MYO16: variants seen among roughly 807,000 people sequenced by gnomAD.
The protein encoded by MYO16 is myosin XVI, also known as unconventional myosin-XVI.
MYO16 carries 94 observed loss-of-function variants against 205.3 expected under a neutral mutation model. The observed-to-expected ratio is 0.46, with a 90% CI of 0.39 to 0.54. The LOEUF (loss-of-function observed/expected upper bound fraction) is 0.54, where lower values mean the gene tolerates loss of function less well. Ranked by LOEUF, MYO16 falls within the 20% of genes least tolerant of loss-of-function variation. The pLI is 0.00. For missense variants in MYO16, 2,315 were observed against 2,387.5 expected (o/e 0.97, Z 0.63); for synonymous variants, 988 against 954.0 (o/e 1.04, Z -0.66).
intron 1 of MYO16, among the ~76,000 whole-genome samples, chr13:108,608,000 A>T (rs1005751570): frequency 2.6e-5 from 4 of 152,220 alleles, no homozygotes; most frequent in Non-Finnish European, 4.4e-5. Flanking sequence ...CATTTTAAAA[A>T]TAGGCAGTGT....
Position 108,973,952 on chromosome 13 carries a change from A to G in MYO16, c.2369+9050A>G, listed in dbSNP as rs183557494. ...AATTCTGCTGGCTGGTTAAAAAAAA[A>G]AACTCCCAGTGGCATTTTGGATAAT... On this transcript the variant is annotated intron_variant, in intron 20 of 34. Transcript: ENST00000457511. Among the ~76,000 whole-genome samples, 8 of 152,290 alleles carry G rather than the reference A, an allele frequency of 5.3e-5. No individual in the cohort carries two copies. The East Asian group carries it at 1.5e-3, about 29-fold the overall frequency.
chr13:109,204,826 T>C (rs762305462), intron 34 of MYO16, among the ~76,000 whole-genome samples: 8 of 152,202 alleles, frequency 5.3e-5, no homozygotes, highest in Non-Finnish European at 1.2e-4. Context: ...GTACCCACTT[T>C]ACAGGGCTCT....
intron 4 of MYO16, among the ~76,000 whole-genome samples, chr13:108,771,947 G>A (rs182549431): frequency 7.5e-4 from 114 of 152,278 alleles, no homozygotes; most frequent in African/African-American, 2.2e-3. Context: ...AAATAAAGCT[G>A]ACACAGACAT....
chr13:108,774,197 T>A (rs1465167037), intron 4 of MYO16, among the ~76,000 whole-genome samples: 1 of 152,240 alleles, frequency 6.6e-6, no homozygotes, highest in Non-Finnish European at 1.5e-5. Flanking sequence ...TTCTTGGAGA[T>A]TAAATTGTTA....
At chr13:108,559,610 A>C in the MYO16 span, among the ~76,000 whole-genome samples, 1 of 149,850 alleles carries the variant, frequency 6.7e-6, no homozygotes, top group Non-Finnish European at 1.5e-5. Flanking sequence ...AGTAGCTGGG[A>C]CTACAGGCAC....
intron 4 of MYO16, among the ~76,000 whole-genome samples, chr13:108,754,967 G>C (rs1030808696): frequency 6.6e-6 from 1 of 151,104 alleles, no homozygotes; most frequent in Non-Finnish European, 1.5e-5. Flanking sequence ...TATAGAGAGA[G>C]AGACAGAGAG....
chr13:108,868,846 G>A (rs893529592), intron 12 of MYO16, among the ~76,000 whole-genome samples: 4 of 151,486 alleles, frequency 2.6e-5, no homozygotes, highest in Admixed American at 6.6e-5. Flanking sequence ...CTTGAACCCG[G>A]GTGGCAGAGG....
At chr13:108,539,477 T>C in the MYO16 span, among the ~76,000 whole-genome samples, 1 of 152,232 alleles carries the variant, frequency 6.6e-6, no homozygotes, top group East Asian at 1.9e-4. Context: ...TCATAGTTTG[T>C]CTAGGAAACC....
At chr13:108,933,721 A>G (rs1037695886) in intron 16 of MYO16, among the ~76,000 whole-genome samples, 1 of 152,000 alleles carries the variant, frequency 6.6e-6, no homozygotes, top group Non-Finnish European at 1.5e-5. Flanking sequence ...CATAGTACGC[A>G]ACAGTTATTT....
chr13:108,922,403 A>T (rs994526728), intron 16 of MYO16, among the ~76,000 whole-genome samples: 1 of 152,168 alleles, frequency 6.6e-6, no homozygotes, highest in Non-Finnish European at 1.5e-5. Context: ...AGAGATCTTT[A>T]AAAAGGCAGC....
intron 16 of MYO16, among the ~76,000 whole-genome samples, chr13:108,945,018 T>C (rs1184596100): frequency 1.3e-5 from 2 of 152,198 alleles, no homozygotes; most frequent in East Asian, 3.8e-4. Context: ...AAGCCCAGTA[T>C]GCGTGCTTGT....
Position 109,172,224 on chromosome 13 carries a change from C to T in MYO16, c.5323+7165C>T, listed in dbSNP as rs560644382. Among the ~76,000 whole-genome samples the T allele has an allele frequency of 2.0e-4, 31 of 152,140 alleles. 1 individual carries two copies. In the South Asian group the frequency reaches 5.8e-3, roughly 28 times the overall value. On this transcript the variant is annotated intron_variant, in intron 33 of 34. Coordinates refer to ENST00000457511, the MANE Select transcript of MYO16 (RefSeq NM_001198950.3). ...TGGAGATTGTACACCTTCTTTGGAA[C>T]GCATACCCTTGTCTGACTGAAAGCC...
At chr13:108,706,683 A>C (rs1354393676) in intron 2 of MYO16, among the ~76,000 whole-genome samples, 1 of 152,174 alleles carries the variant, frequency 6.6e-6, no homozygotes, top group African/African-American at 2.4e-5. Flanking sequence ...CTCACTAAAA[A>C]TTTGTTTCAT....
intron 20 of MYO16, among the ~76,000 whole-genome samples, chr13:108,968,062 A>G (rs1299475157): frequency 6.6e-6 from 1 of 152,218 alleles, no homozygotes; most frequent in Non-Finnish European, 1.5e-5. Flanking sequence ...ACTCATGATT[A>G]CAGTCTCCAG....
intron 16 of MYO16, among the ~76,000 whole-genome samples, chr13:108,930,013 C>T (rs1039783343): frequency 6.6e-6 from 1 of 152,188 alleles, no homozygotes; most frequent in African/African-American, 2.4e-5. Flanking sequence ...CTGAATGATG[C>T]ATGCACTATA....
At position 108,630,532 on chromosome 13, in the gene MYO16, T is replaced by C. The variant is rs559380788; in HGVS notation, c.28+660T>C. 5.3e-5 allele frequency among the ~76,000 whole-genome samples: 8 copies of C among 152,336 alleles called. No homozygotes were observed. In the South Asian group the frequency reaches 1.7e-3, roughly 32 times the overall value. ...AGAATTTTCTGAGCTAGAGAATACT[T>C]CCATCTAAACCAATTCTGGATGGTA... On this transcript the variant is annotated intron_variant, in intron 1 of 34. Transcript: ENST00000457511.
chr13:108,633,821 C>T (rs977975096), intron 1 of MYO16, among the ~76,000 whole-genome samples: 4 of 152,186 alleles, frequency 2.6e-5, no homozygotes, highest in East Asian at 3.9e-4. Context: ...ACACACTGTT[C>T]GCTCATTCAA....
Position 108,602,017 on chromosome 13 carries a change from G to A in MYO16, c.-39+5778G>A, listed in dbSNP as rs182474292. The stretch of plus-strand genomic sequence containing the variant: ...GGGGTGGTGAGGAAGTCATAATGGT[G>A]GGGCCCTCATGATGAGATTAGTGCC... On this transcript the variant is annotated intron_variant, in intron 1 of 24. Coordinates refer to the MYO16 transcript ENST00000251041. 2.4e-3 allele frequency among the ~76,000 whole-genome samples: 363 copies of A among 151,328 alleles called. 2 individuals are homozygous for A. The highest frequency in any genetic ancestry group is 8.4e-3 in the African/African-American group (345 of 41,236).
At chr13:108,798,931 TC>T (rs1234777227) in intron 6 of MYO16, among the ~76,000 whole-genome samples, 1 of 145,510 alleles carries the variant, frequency 6.9e-6, no homozygotes, top group Non-Finnish European at 1.5e-5. Flanking sequence ...GGTCTCGATC[TC>T]CCGACCTCAT....
Sources: gnomAD v4.1 joint callset for allele counts (sites outside exome capture counted in the v4.1 genomes callset) on GRCh38, gnomAD v4.1.1 for gene constraint, MANE v1.5 for transcripts, NCBI Gene and HGNC (gene_info 2026-07-23, HGNC 2026-07-21) for gene names.